CRADD: variants seen among roughly 807,000 people sequenced by gnomAD.
CRADD encodes the protein CARD and death domain containing adaptor protein, also known as death domain-containing protein CRADD.
In CRADD, 9 loss-of-function variants were observed where a neutral mutation model predicts 15.5. The observed-to-expected ratio is 0.58, with a 90% confidence interval of 0.35 to 1.01. The LOEUF is 1.01. Ranked by LOEUF, CRADD falls within the 50% of genes least tolerant of loss-of-function variation. The probability of loss-of-function intolerance (pLI) is 0.02; values close to 1 mark genes in which losing one functional copy is unlikely to be tolerated. For missense variants in CRADD, 227 were observed against 250.3 expected (o/e 0.91, Z 0.63); for synonymous variants, 118 against 107.6 (o/e 1.10, Z -0.60).
chr12:93,856,580 G>A (rs1958277103), intron 2 of CRADD, among the ~76,000 whole-genome samples: 1 of 152,216 alleles, frequency 6.6e-6, no homozygotes. Flanking sequence ...ATGTGTATGG[G>A]CAGCAGAATC....
intron 2 of CRADD, among the ~76,000 whole-genome samples, chr12:93,856,924 T>G (rs1958279517): frequency 6.6e-6 from 1 of 152,248 alleles, no homozygotes; most frequent in Non-Finnish European, 1.5e-5. Flanking sequence ...TGTTTACTTC[T>G]TGGAACTATA....
chr12:93,742,308 C>G (rs1208074613), intron 2 of CRADD, among the ~76,000 whole-genome samples: 1 of 152,018 alleles, frequency 6.6e-6, no homozygotes, highest in African/African-American at 2.4e-5. Context: ...TTTCTTTTTT[C>G]TCGGAATCCC....
chr12:93,831,006 T>G (rs1957891710), intron 2 of CRADD: 1 of 152,240 alleles, frequency 6.6e-6, no homozygotes, highest in Non-Finnish European at 1.5e-5. Flanking sequence ...TATGTGAGAT[T>G]GGGCATATTT....
At chr12:93,789,610 G>A (rs564906451) in intron 2 of CRADD, among the ~76,000 whole-genome samples, 1 of 152,136 alleles carries the variant, frequency 6.6e-6, no homozygotes, top group South Asian at 2.1e-4. Context: ...GTGGAAGGGA[G>A]GGATGACAAA....
intron 2 of CRADD, among the ~76,000 whole-genome samples, chr12:93,814,147 T>C (rs1026967501): frequency 6.6e-6 from 1 of 152,206 alleles, no homozygotes; most frequent in Non-Finnish European, 1.5e-5. Context: ...GTGTGGGCTG[T>C]AGACATATTG....
chr12:93,839,687 A>T (rs1013234527), intron 2 of CRADD, among the ~76,000 whole-genome samples: 2 of 152,186 alleles, frequency 1.3e-5, no homozygotes, highest in Non-Finnish European at 2.9e-5. Context: ...GCATTTGAGC[A>T]TCTCTTTATG....
intron 2 of CRADD, among the ~76,000 whole-genome samples, chr12:93,830,217 A>G (rs1301890314): frequency 6.6e-6 from 1 of 152,160 alleles, no homozygotes; most frequent in African/African-American, 2.4e-5. Context: ...GCCCTCCAAG[A>G]AGAGGATGGC....
At chr12:93,787,613 A>G (rs1471362235) in intron 2 of CRADD, among the ~76,000 whole-genome samples, 3 of 152,166 alleles carry the variant, frequency 2.0e-5, no homozygotes, top group Non-Finnish European at 2.9e-5. Context: ...ATCCACTCTC[A>G]AAGGACCTTA....
chr12:93,867,406 T>TATATATATATATATATATATATATATAG (rs1958379682), intron 2 of CRADD, among the ~76,000 whole-genome samples: 1 of 144,022 alleles, frequency 6.9e-6, no homozygotes. Flanking sequence ...TATATATATT[T>TATATATATATATATATATATATATATAG]TTTAAACTTG....
At chr12:93,754,868 G>T (rs1956870106) in intron 2 of CRADD, among the ~76,000 whole-genome samples, 1 of 151,900 alleles carries the variant, frequency 6.6e-6, no homozygotes. Context: ...CACATTTTTG[G>T]GTATCTTTAT....
intron 2 of CRADD, among the ~76,000 whole-genome samples, chr12:93,813,837 A>C (rs891159981): frequency 6.6e-6 from 1 of 152,128 alleles, no homozygotes; most frequent in Non-Finnish European, 1.5e-5. Context: ...ATAGGCTTTA[A>C]AAAAGAGGAG....
chr12:93,719,827 C>T (rs2136884701), intron 2 of CRADD, among the ~76,000 whole-genome samples: 1 of 152,196 alleles, frequency 6.6e-6, no homozygotes, highest in East Asian at 1.9e-4. Context: ...TATTCTGTCT[C>T]CTTTTTTCTT....
intron 2 of CRADD, among the ~76,000 whole-genome samples, chr12:93,782,698 T>A (rs1592986090): frequency 6.6e-6 from 1 of 152,302 alleles, no homozygotes; most frequent in East Asian, 1.9e-4. Flanking sequence ...AATGCCTTTT[T>A]TTTTAAACAG....
chr12:93,717,565 G>T (rs1002428682), intron 2 of CRADD, among the ~76,000 whole-genome samples: 5 of 152,104 alleles, frequency 3.3e-5, no homozygotes, highest in Admixed American at 6.5e-5. Flanking sequence ...TGTTGCCTAG[G>T]CTGGAGTGCA....
At chr12:93,682,182 C>T (rs1364021619) in intron 2 of CRADD, among the ~76,000 whole-genome samples, 1 of 152,156 alleles carries the variant, frequency 6.6e-6, no homozygotes, top group Admixed American at 6.5e-5. Flanking sequence ...AATCCAGAAC[C>T]TACTGCCTAA....
intron 2 of CRADD, among the ~76,000 whole-genome samples, chr12:93,747,668 A>G (rs543108687): frequency 6.6e-6 from 1 of 152,208 alleles, no homozygotes; most frequent in African/African-American, 2.4e-5. Context: ...GGGTTTCACT[A>G]TGTTGGCCAG....
At chr12:93,756,297 T>C (rs1173369317) in intron 2 of CRADD, among the ~76,000 whole-genome samples, 1 of 152,196 alleles carries the variant, frequency 6.6e-6, no homozygotes, top group Non-Finnish European at 1.5e-5. Context: ...TACTTGTTAG[T>C]GAATGTTGGG....
At chr12:93,698,943 G>A (rs1222546516) in intron 2 of CRADD, among the ~76,000 whole-genome samples, 3 of 152,152 alleles carry the variant, frequency 2.0e-5, no homozygotes, top group Non-Finnish European at 4.4e-5. Flanking sequence ...AGCTGCAACA[G>A]AGACCTTATG....
chr12:93,736,187 T>A (rs1374786400), intron 2 of CRADD, among the ~76,000 whole-genome samples: 1 of 152,080 alleles, frequency 6.6e-6, no homozygotes, highest in African/African-American at 2.4e-5. Context: ...TATAAATCAT[T>A]AAAAAAGAGA....
Sources: gnomAD v4.1 joint callset for allele counts (sites outside exome capture counted in the v4.1 genomes callset) on GRCh38, gnomAD v4.1.1 for gene constraint, MANE v1.5 for transcripts, NCBI Gene and HGNC (gene_info 2026-07-23, HGNC 2026-07-21) for gene names.